GOLGB1: variants seen among roughly 807,000 people sequenced by gnomAD.
GOLGB1 encodes the protein golgin B1, also known as golgin subfamily B member 1.
A neutral mutation model predicts 336.9 loss-of-function variants in GOLGB1; 174 were observed. The observed-to-expected ratio is 0.52, with a 90% CI of 0.46 to 0.59. The LOEUF (loss-of-function observed/expected upper bound fraction) is 0.59, where lower values mean the gene tolerates loss of function less well. Among genes scored for constraint, GOLGB1 ranks in the 20% least tolerant of loss-of-function variants. GOLGB1 has a pLI of 0.00. For missense variants in GOLGB1, 3,331 were observed against 3,645.3 expected (o/e 0.91, Z 2.22); for synonymous variants, 1,208 against 1,289.2 (o/e 0.94, Z 1.35).
At position 121,722,307 on chromosome 3, in the gene GOLGB1, A is replaced by G; in HGVS notation, c.603T>C (p.Thr201=). The change falls in exon 6 of 22, where the codon ACT becomes ACC. Residue 201 remains threonine, a synonymous_variant. Transcript: ENST00000614479. ...QLQEKEEFIS[T]LQAQLSQTQA... is the part of the protein sequence containing the mutation. ...GTGTCTGGCTGAGCTGGGCTTGTAA[A>G]GTGCTAATGAATTCTTCCTTCTCCT... The G allele has an allele frequency of 6.2e-7, 1 of 1,613,060 alleles. No homozygotes were observed. Among genetic ancestry groups the G allele is most frequent in the Non-Finnish European group, 8.5e-7 (1 of 1,179,086 alleles).
At chr3:121,670,755 T>TGGG (rs398038351) in intron 17 of GOLGB1, among the ~76,000 whole-genome samples, 25 of 79,144 alleles carry the variant, frequency 3.2e-4, no homozygotes, top group Non-Finnish European at 4.0e-4. Context: ...GGTTTTCTTT[T>TGGG]GGGGGGGGGG....
In GOLGB1 at chr3:121,694,433, C is replaced by A. The variant is rs1202730453; in HGVS notation, c.6090G>T (p.Gln2030His). 1 of 1,613,378 alleles carries A rather than the reference C, an allele frequency of 6.2e-7. No individual in the cohort carries two copies. The highest frequency in any genetic ancestry group is 1.3e-5 in the African/African-American group (1 of 74,880). The change falls in exon 13 of 22, where the codon CAG becomes CAT. Residue 2030 changes from glutamine (Q) to histidine (H), a missense_variant. Physicochemically the swap from Gln to His is conservative, Grantham distance 24. Transcript: ENST00000614479. ...KEKQQEVKQLQKDCIRYQEKI... is the reference protein window; with the variant it reads ...KEKQQEVKQLHKDCIRYQEKI... ...TCTCTTGATACCTGATGCAGTCCTT[C>A]TGTAGCTGCTTTACTTCTTGTTGTT...
At chr3:121,743,379 C>G (rs1010210098) in intron 1 of GOLGB1, among the ~76,000 whole-genome samples, 1 of 152,148 alleles carries the variant, frequency 6.6e-6, no homozygotes, top group Admixed American at 6.5e-5. Flanking sequence ...AAATCAAACA[C>G]CGCATGTTCT....
rs116046497 is a variant in GOLGB1, at chr3:121,716,851, T to C, written c.1174A>G (p.Thr392Ala). ...CAGGCAGACTGCAGCTCTTGTCCAG[T>C]CTTTTGAAGACTCAAAATATGAGAG... Reference protein sequence around the residue: ...KTSHILSLQKTGQELQSACDA... With the variant: ...KTSHILSLQKAGQELQSACDA... Residue 392 changes from threonine (T) to alanine (A), a missense_variant, in exon 9 of 22, where the codon ACT becomes GCT. Physicochemically the swap from Thr to Ala is moderately conservative, Grantham distance 58. Transcript: ENST00000614479. The C allele has an allele frequency of 3.6e-4, 575 of 1,613,944 alleles. 3 individuals carry two copies. Among genetic ancestry groups the C allele is most frequent in the South Asian group, 2.5e-3 (227 of 91,080 alleles).
At position 121,730,035 on chromosome 3, in the gene GOLGB1, AG is replaced by A; in HGVS notation, c.97-19del. On this transcript the variant is annotated intron_variant, in intron 2 of 21. Coordinates refer to ENST00000614479, the MANE Select transcript of GOLGB1 (RefSeq NM_001366282.2). ...TGTAATTCCTAATATTTAGGAAAAA[AG>A]TTGCCAGTGCACCAGGAAAAGGTAT... 1.3e-6 allele frequency: 2 copies of A among 1,590,624 alleles called. No homozygotes were observed. The highest frequency in any genetic ancestry group is 1.7e-6 in the Non-Finnish European group (2 of 1,165,374).
rs534429983 is a variant in GOLGB1, at chr3:121,725,805, G to A, written c.531+1108C>T. On this transcript the variant is annotated intron_variant, in intron 5 of 21. Coordinates refer to ENST00000614479, the MANE Select transcript of GOLGB1 (RefSeq NM_001366282.2). Reference sequence around the variant, plus strand: ...AATGGGTTGTCATAGAAGGGGAACTGGTAGCTTTATAAGAAGAAGAGAGAC... The same window carrying A: ...AATGGGTTGTCATAGAAGGGGAACTAGTAGCTTTATAAGAAGAAGAGAGAC... Among the ~76,000 whole-genome samples, 16 of 151,986 alleles carry A rather than the reference G, an allele frequency of 1.1e-4. No individual in the cohort carries two copies. The South Asian group carries it at 3.3e-3, about 32-fold the overall frequency.
chr3:121,694,881 T>C lies in GOLGB1; in HGVS notation c.5642A>G (p.Gln1881Arg). ...TAGTTCACCATCCTTTGTTGATATCTGACTCAGTAAGGTATTTTTCTCATT... is the reference window on the plus strand; with the variant it reads ...TAGTTCACCATCCTTTGTTGATATCCGACTCAGTAAGGTATTTTTCTCATT... ...LENEKNTLLSQISTKDGELKM... is the reference protein window; with the variant it reads ...LENEKNTLLSRISTKDGELKM... Residue 1881 changes from glutamine (Q) to arginine (R), a missense_variant, in exon 13 of 22, where the codon CAG becomes CGG. Coordinates refer to ENST00000614479, the MANE Select transcript of GOLGB1 (RefSeq NM_001366282.2). 1 of 1,613,654 alleles carries C rather than the reference T, an allele frequency of 6.2e-7. No homozygotes were observed.
chr3:121,742,920 C>T (rs1276801663), intron 1 of GOLGB1, among the ~76,000 whole-genome samples: 2 of 152,182 alleles, frequency 1.3e-5, no homozygotes. Flanking sequence ...AATGAGATAC[C>T]ATCTCACACC....
At position 121,733,287 on chromosome 3, in the gene GOLGB1, C is replaced by CAAAAAAAAAAAAAAAAAAAAAAAAAAAA. The variant is rs35457720; in HGVS notation, c.-2-2315_-2-2314insTTTTTTTTTTTTTTTTTTTTTTTTTTTT. Among the ~76,000 whole-genome samples the CAAAAAAAAAAAAAAAAAAAAAAAAAAAA allele has an allele frequency of 3.1e-5, 2 of 64,650 alleles. 1 individual carries two copies. The highest frequency in any genetic ancestry group is 5.4e-5 in the Non-Finnish European group (2 of 36,776). 42.4% of individuals were successfully genotyped at this position (64,650 alleles called of 152,430 possible). On this transcript the variant is annotated intron_variant, in intron 1 of 21. Coordinates refer to ENST00000614479, the MANE Select transcript of GOLGB1 (RefSeq NM_001366282.2). ...GCAGTGAGCCTAGATTGCTCCGTCT[C>CAAAAAAAAAAAAAAAAAAAAAAAAAAAA]AAAAAAAAAAAAAAAAAAAAAAAGT... is the stretch of plus-strand genomic sequence containing the variant.
chr3:121,739,157 C>T (rs1304089930), intron 1 of GOLGB1, among the ~76,000 whole-genome samples: 3 of 152,094 alleles, frequency 2.0e-5, no homozygotes, highest in African/African-American at 7.2e-5. Flanking sequence ...TCCAGCTATT[C>T]AGGTGGCTGA....
At chr3:121,727,320 A>ATATATATAT (rs1365310516) in intron 4 of GOLGB1, among the ~76,000 whole-genome samples, 1 of 28,636 alleles carries the variant, frequency 3.5e-5, no homozygotes, top group Non-Finnish European at 6.2e-5. Flanking sequence ...ATATATATAT[A>ATATATATAT]TTTTTTTTTT....
chr3:121,745,481 T>C (rs1031933499), intron 1 of GOLGB1, among the ~76,000 whole-genome samples: 3 of 146,704 alleles, frequency 2.0e-5, no homozygotes, highest in African/African-American at 5.1e-5. Context: ...TGTACACGTG[T>C]ATGTATATAT....
Position 121,667,576 on chromosome 3 carries a change from T to C in GOLGB1, c.9454A>G (p.Arg3152Gly). 6.2e-7 allele frequency: 1 copy of C among 1,614,074 alleles called. No individual in the cohort carries two copies. Among genetic ancestry groups the C allele is most frequent in the Non-Finnish European group, 8.5e-7 (1 of 1,179,912 alleles). The change falls in exon 20 of 22, where the codon AGA (arginine) becomes GGA (glycine). Residue 3152 changes from arginine to glycine, a missense_variant. Physicochemically the swap from Arg to Gly is moderately radical, Grantham distance 125 (BLOSUM62 -2). Coordinates refer to ENST00000614479, the MANE Select transcript of GOLGB1 (RefSeq NM_001366282.2). ...SEAQQQLCNT[R>G]QEVNELRKLL... ...TTCCTTAATTCATTCACTTCCTGTC[T>C]GGTGTTGCATAGCTGCTGCTGAGCT...
At chr3:121,741,677 C>T (rs926745712) in intron 1 of GOLGB1, among the ~76,000 whole-genome samples, 3 of 152,066 alleles carry the variant, frequency 2.0e-5, no homozygotes, top group African/African-American at 7.2e-5. Flanking sequence ...ACAAACTAAT[C>T]TTTGAATCTG....
chr3:121,723,013 C>G (rs565566595), intron 5 of GOLGB1, among the ~76,000 whole-genome samples: 1 of 152,078 alleles, frequency 6.6e-6, no homozygotes, highest in African/African-American at 2.4e-5. Flanking sequence ...TGAACCTGTA[C>G]TAAGAAGAAA....
chr3:121,669,372 G>T lies in GOLGB1; in HGVS notation c.9178-17C>A. 1 of 1,610,286 alleles carries T rather than the reference G, an allele frequency of 6.2e-7. No individual in the cohort carries two copies. Among genetic ancestry groups the T allele is most frequent in the African/African-American group, 1.3e-5 (1 of 74,950 alleles). ...CTGAGAGAACTGAAACAGAGGCGAGGATAAGCATCATCCTGCAGTACTGTA... is the reference window on the plus strand; with the variant it reads ...CTGAGAGAACTGAAACAGAGGCGAGTATAAGCATCATCCTGCAGTACTGTA... On this transcript the variant is annotated splice_polypyrimidine_tract_variant and intron_variant, in intron 17 of 21. Coordinates refer to ENST00000614479, the MANE Select transcript of GOLGB1 (RefSeq NM_001366282.2).
At chr3:121,712,095 G>A (rs527623060) in intron 10 of GOLGB1, among the ~76,000 whole-genome samples, 8 of 152,252 alleles carry the variant, frequency 5.3e-5, no homozygotes, top group East Asian at 3.9e-4. Context: ...AATGAAGACC[G>A]TGATACTGGC....
chr3:121,727,336 T>C (rs1261493141), intron 4 of GOLGB1, among the ~76,000 whole-genome samples: 1 of 131,520 alleles, frequency 7.6e-6, no homozygotes, highest in African/African-American at 2.8e-5. Flanking sequence ...TTTTTTTTTT[T>C]TTTTTTTTTT....
At chr3:121,675,292 A>C (rs928263361) in intron 17 of GOLGB1, among the ~76,000 whole-genome samples, 1 of 152,212 alleles carries the variant, frequency 6.6e-6, no homozygotes, top group African/African-American at 2.4e-5. Flanking sequence ...CCAGTATATA[A>C]ATATATACAA....
Sources: allele counts gnomAD v4.1 joint callset (sites outside exome capture counted in the v4.1 genomes callset), GRCh38; gene constraint gnomAD v4.1.1; transcripts MANE v1.5; gene names NCBI Gene and HGNC (gene_info 2026-07-23, HGNC 2026-07-21).